TNRC6B: variants seen among roughly 807,000 people sequenced by gnomAD.
TNRC6B encodes trinucleotide repeat-containing gene 6B protein.
TNRC6B carries 52 observed loss-of-function variants against 203.6 expected under a neutral mutation model. The ratio of observed to expected loss-of-function variants is 0.26; its 90% CI spans 0.20 to 0.32. The LOEUF (loss-of-function observed/expected upper bound fraction) is 0.32, where lower values mean the gene tolerates loss of function less well. TNRC6B is among the 10% of genes least tolerant of loss of function. The pLI is 1.00. For synonymous variants in TNRC6B, 838 were observed against 845.7 expected, an observed-to-expected ratio of 0.99 and a Z score of 0.16; for missense variants, 1,923 against 2,286.2, an observed-to-expected ratio of 0.84 and a Z score of 3.24.
intron 1 of TNRC6B, among the ~76,000 whole-genome samples, chr22:40,202,484 G>A (rs2146409321): frequency 6.6e-6 from 1 of 152,192 alleles, no homozygotes; most frequent in South Asian, 2.1e-4. Flanking sequence ...ATGTAGGACA[G>A]GAGATGTGCT....
intron 1 of TNRC6B, among the ~76,000 whole-genome samples, chr22:40,181,007 G>A (rs1339485813): frequency 6.6e-6 from 1 of 152,112 alleles, no homozygotes; most frequent in Non-Finnish European, 1.5e-5. Flanking sequence ...ACAAAAATTG[G>A]TAGCGTTCAT....
chr22:40,204,138 C>A (rs1482986384), intron 1 of TNRC6B, among the ~76,000 whole-genome samples: 1 of 152,212 alleles, frequency 6.6e-6, no homozygotes, highest in Non-Finnish European at 1.5e-5. Flanking sequence ...GCCACCACAT[C>A]TCTTTAATTT....
intron 11 of TNRC6B, among the ~76,000 whole-genome samples, chr22:40,285,422 C>T (rs2070767505): frequency 1.3e-5 from 2 of 152,294 alleles, no homozygotes; most frequent in East Asian, 3.9e-4. Flanking sequence ...TGACATTGAA[C>T]CCTTTCCGTT....
At chr22:40,119,708 A>G (rs956768856) in intron 2 of TNRC6B, among the ~76,000 whole-genome samples, 3 of 152,206 alleles carry the variant, frequency 2.0e-5, no homozygotes, top group Non-Finnish European at 1.5e-5. Context: ...TCTAGTTTTC[A>G]TGTAAGTGGG....
At chr22:40,160,097 T>C (rs11705389) in intron 4 of TNRC6B, among the ~76,000 whole-genome samples, 102,519 of 152,036 alleles carry the variant, frequency 0.67, 36,178 homozygotes, top group African/African-American at 0.89. Context: ...ATTACAGGCA[T>C]GAACCTCCTT....
intron 21 of TNRC6B, among the ~76,000 whole-genome samples, chr22:40,318,890 G>A (rs1165078625): frequency 2.6e-5 from 4 of 152,054 alleles, no homozygotes; most frequent in African/African-American, 9.7e-5. Context: ...GGCCAACATG[G>A]CGAAACCCCA....
rs567171373 is a variant in TNRC6B, at chr22:40,049,573, C to T, written c.-121+4575C>T. Reference sequence around the variant, plus strand: ...CATGCCTCACCTCTCTTCCATACTCCAAAACAAAATCCATATTTACCTGCT... The same window carrying T: ...CATGCCTCACCTCTCTTCCATACTCTAAAACAAAATCCATATTTACCTGCT... On this transcript the variant is annotated intron_variant, in intron 1 of 23. Coordinates refer to the TNRC6B transcript ENST00000301923. Among the ~76,000 whole-genome samples, 9 of 152,222 alleles carry T rather than the reference C, an allele frequency of 5.9e-5. No individual in the cohort carries two copies. The East Asian group carries it at 1.7e-3, about 29-fold the overall frequency.
At chr22:40,301,948 A>G (rs1035120429) in intron 15 of TNRC6B, among the ~76,000 whole-genome samples, 7 of 152,356 alleles carry the variant, frequency 4.6e-5, no homozygotes, top group Admixed American at 4.6e-4. Flanking sequence ...AGTGGTACAC[A>G]TGGCTGAGGT....
intron 1 of TNRC6B, among the ~76,000 whole-genome samples, chr22:40,067,816 T>G (rs1251508420): frequency 6.6e-6 from 1 of 152,110 alleles, no homozygotes; most frequent in African/African-American, 2.4e-5. Context: ...GGCAATAGTC[T>G]CACTCCCCGA....
intron 1 of TNRC6B, among the ~76,000 whole-genome samples, chr22:40,184,507 A>C (rs1344744675): frequency 6.6e-6 from 1 of 152,200 alleles, no homozygotes; most frequent in African/African-American, 2.4e-5. Context: ...TGTATAAGCC[A>C]CGTTTGAAAG....
intron 7 of TNRC6B, among the ~76,000 whole-genome samples, chr22:40,274,475 C>T (rs1399327600): frequency 6.7e-6 from 1 of 150,090 alleles, no homozygotes; most frequent in Non-Finnish European, 1.5e-5. Context: ...GGCTGGACTG[C>T]AGTGGTGCAG....
intron 1 of TNRC6B, among the ~76,000 whole-genome samples, chr22:40,222,728 C>CTCTTTT (rs2069728214): frequency 2.2e-4 from 9 of 40,216 alleles, no homozygotes; most frequent in East Asian, 9.4e-4. Context: ...CTCTCTCTCT[C>CTCTTTT]TTTTTTTTTT....
chr22:40,154,931 A>AAT (rs1309621464), intron 3 of TNRC6B, among the ~76,000 whole-genome samples: 3 of 127,332 alleles, frequency 2.4e-5, no homozygotes, highest in Non-Finnish European at 3.2e-5. Flanking sequence ...TTTGCTCTAA[A>AAT]ATATATATAT....
intron 3 of TNRC6B, among the ~76,000 whole-genome samples, chr22:40,148,428 C>G (rs372433336): frequency 6.6e-6 from 1 of 151,744 alleles, no homozygotes; most frequent in African/African-American, 2.4e-5. Context: ...GGATTACAGG[C>G]GCCTGCCACC....
At chr22:40,161,758 A>G (rs1202642512) in intron 4 of TNRC6B, among the ~76,000 whole-genome samples, 1 of 152,218 alleles carries the variant, frequency 6.6e-6, no homozygotes, top group African/African-American at 2.4e-5. Flanking sequence ...GGGTTTATTT[A>G]CTATTAGTCT....
intron 1 of TNRC6B, among the ~76,000 whole-genome samples, chr22:40,244,268 A>G (rs1258910700): frequency 1.3e-5 from 2 of 152,182 alleles, no homozygotes; most frequent in Non-Finnish European, 2.9e-5. Flanking sequence ...TCACACCTAG[A>G]CAGAGGCACA....
At chr22:40,107,058 C>A (rs1329162168) in intron 1 of TNRC6B, 1 of 833,512 alleles carries the variant, frequency 1.2e-6, no homozygotes, top group Non-Finnish European at 2.0e-6. Context: ...CTTTTCTACA[C>A]CCTCCGTGGT....
chr22:40,212,797 G>A (rs1160875958), intron 1 of TNRC6B, among the ~76,000 whole-genome samples: 1 of 152,014 alleles, frequency 6.6e-6, no homozygotes, highest in Non-Finnish European at 1.5e-5. Flanking sequence ...TAATAGGCAC[G>A]TGCCACCACA....
At chr22:40,101,034 C>A (rs1254936035) in intron 1 of TNRC6B, among the ~76,000 whole-genome samples, 1 of 151,766 alleles carries the variant, frequency 6.6e-6, no homozygotes, top group Non-Finnish European at 1.5e-5. Context: ...ACTCTGTTGC[C>A]CAGGCTGGAG....
Sources: allele counts gnomAD v4.1 joint callset (sites outside exome capture counted in the v4.1 genomes callset), GRCh38; gene constraint gnomAD v4.1.1; transcripts MANE v1.5; gene names NCBI Gene and HGNC (gene_info 2026-07-23, HGNC 2026-07-21).